Variants in BFAR observed in about 807,000 individuals in gnomAD.
BFAR encodes the protein RING finger protein 47.
In BFAR, 52 loss-of-function variants were observed where a neutral mutation model predicts 54.4. That is an observed-to-expected ratio of 0.96 (90% CI 0.77 to 1.21). The LOEUF is 1.21. BFAR is among the 50% of genes most tolerant of loss of function. BFAR has a pLI of 0.00. For missense variants in BFAR, 571 were observed against 534.0 expected, an observed-to-expected ratio of 1.07 and a Z score of -0.68; for synonymous variants, 215 against 204.3, an observed-to-expected ratio of 1.05 and a Z score of -0.45.
chr16:14,640,422 T>C (rs1433717066), intron 1 of BFAR, among the ~76,000 whole-genome samples: 1 of 152,114 alleles, frequency 6.6e-6, no homozygotes. Flanking sequence ...TTGTCATGCG[T>C]GATGCGATTC....
intron 1 of BFAR, among the ~76,000 whole-genome samples, chr16:14,641,697 G>A (rs973789427): frequency 3.3e-5 from 5 of 151,902 alleles, no homozygotes; most frequent in African/African-American, 7.3e-5. Flanking sequence ...CCCCCATCTC[G>A]ACTAAAAATA....
chr16:14,665,288 T>C (rs1304350097), intron 7 of BFAR: 1 of 573,790 alleles, frequency 1.7e-6, no homozygotes, highest in Non-Finnish European at 3.1e-6. Context: ...TATTTTCCTA[T>C]ATGTCTTATC....
intron 5 of BFAR, among the ~76,000 whole-genome samples, chr16:14,659,098 G>T (rs1336421072): frequency 1.3e-5 from 2 of 151,512 alleles, no homozygotes; most frequent in Non-Finnish European, 2.9e-5. Context: ...TAGTAGGGAC[G>T]GGGTTTCACC....
At chr16:14,664,467 G>A (rs1960382986) in intron 6 of BFAR, among the ~76,000 whole-genome samples, 1 of 151,214 alleles carries the variant, frequency 6.6e-6, no homozygotes, top group Non-Finnish European at 1.5e-5. Context: ...GGATGTGTGT[G>A]TGTGTGTGGT....
Position 14,644,517 on chromosome 16 carries a change from C to A in BFAR, c.171C>A (p.Cys57Ter). 3 of 1,614,106 alleles carry A rather than the reference C, an allele frequency of 1.9e-6. No homozygotes were observed. Among genetic ancestry groups the A allele is most frequent in the Non-Finnish European group, 2.5e-6 (3 of 1,179,994 alleles). The change falls in exon 2 of 8, where the codon TGC becomes TGA. Residue 57 changes from cysteine to a stop codon, truncating the protein, a stop_gained. Coordinates refer to ENST00000261658, the MANE Select transcript of BFAR (RefSeq NM_016561.3). LOFTEE classifies it high-confidence loss of function. ...LNCGHSFCRH[C>*]LALWWASSKK... ...GTGGGCACAGCTTCTGCCGTCACTG[C>A]CTTGCTTTATGGTGGGCATCTTCAA...
At chr16:14,640,162 AAAAG>A (rs1172740898) in intron 1 of BFAR, among the ~76,000 whole-genome samples, 1 of 152,012 alleles carries the variant, frequency 6.6e-6, no homozygotes, top group Non-Finnish European at 1.5e-5. Flanking sequence ...AAAAAAAAAA[AAAAG>A]AAGAAGAGAG....
At chr16:14,655,740 T>C (rs1412862507) in intron 5 of BFAR, among the ~76,000 whole-genome samples, 2 of 152,124 alleles carry the variant, frequency 1.3e-5, no homozygotes, top group African/African-American at 2.4e-5. Flanking sequence ...GCGCCTGGCC[T>C]GTTTTACAAA....
chr16:14,635,483 G>C (rs1959403846), intron 1 of BFAR, among the ~76,000 whole-genome samples: 1 of 152,140 alleles, frequency 6.6e-6, no homozygotes, highest in African/African-American at 2.4e-5. Flanking sequence ...CATCTACAGA[G>C]TATAGTACAG....
In BFAR at chr16:14,668,305, G is replaced by T. The variant is rs758313011; in HGVS notation, c.*478G>T. 1.3e-5 allele frequency: 2 copies of T among 159,020 alleles called. No individual in the cohort carries two copies. Among genetic ancestry groups the T allele is most frequent in the Non-Finnish European group, 2.8e-5 (2 of 72,518 alleles). 9.9% of individuals were successfully genotyped at this position (159,020 alleles called of 1,614,324 possible). On this transcript the variant is annotated 3_prime_UTR_variant, in exon 8 of 8. Coordinates refer to ENST00000261658, the MANE Select transcript of BFAR (RefSeq NM_016561.3). ...AGGATAAGATTCTGTCATAGGCATA[G>T]AGAGTTGCACATAAAAAATACCGAA... is the stretch of plus-strand genomic sequence containing the variant.
chr16:14,635,089 C>G (rs901694904), intron 1 of BFAR, among the ~76,000 whole-genome samples: 33 of 152,196 alleles, frequency 2.2e-4, no homozygotes, highest in Admixed American at 1.8e-3. Flanking sequence ...AATCCCTGCA[C>G]TTTGGGATGC....
intron 1 of BFAR, among the ~76,000 whole-genome samples, chr16:14,640,297 CAG>C (rs1295258227): frequency 7.2e-5 from 11 of 152,114 alleles, no homozygotes; most frequent in South Asian, 4.1e-4. Context: ...CATTATGGGA[CAG>C]GGGATGAAAG....
At chr16:14,661,392 C>CTTTTTTTTTTTTTTTT (rs774393097) in intron 5 of BFAR, among the ~76,000 whole-genome samples, 4 of 65,076 alleles carry the variant, frequency 6.1e-5, no homozygotes, top group Non-Finnish European at 1.2e-4. Context: ...GAGATTGGAT[C>CTTTTTTTTTTTTTTTT]TTTTTTTTTT....
At position 14,632,994 on chromosome 16, in the gene BFAR, C is replaced by G. The variant is rs1031090414; in HGVS notation, c.-98C>G. The G allele has an allele frequency of 6.5e-6, 1 of 152,848 alleles. No individual in the cohort carries two copies. Among genetic ancestry groups the G allele is most frequent in the Admixed American group, 6.5e-5 (1 of 15,324 alleles). 9.5% of individuals were successfully genotyped at this position (152,848 alleles called of 1,614,324 possible). A position where few individuals can be genotyped will look rare whatever the true frequency, so the allele number is the denominator to read the frequency against. ...GGGGTCTGTGCTGAGAATAATGGCCCGGTTGGCCCGGGACGAGTGGAATGG... is the reference window on the plus strand; with the variant it reads ...GGGGTCTGTGCTGAGAATAATGGCCGGGTTGGCCCGGGACGAGTGGAATGG... On this transcript the variant is annotated 5_prime_UTR_variant, in exon 1 of 8. Transcript: ENST00000261658.
intron 5 of BFAR, among the ~76,000 whole-genome samples, chr16:14,661,374 T>TAG (rs745627780): frequency 3.4e-5 from 5 of 145,404 alleles, no homozygotes; most frequent in South Asian, 2.3e-4. Context: ...TCCCCCCAGC[T>TAG]AGAGCTAGAG....
chr16:14,646,120 C>T (rs992017263), intron 2 of BFAR, among the ~76,000 whole-genome samples: 7 of 152,098 alleles, frequency 4.6e-5, no homozygotes, highest in African/African-American at 9.7e-5. Flanking sequence ...GGCGTGATCT[C>T]GACTTACCAC....
rs1275151473 is a variant in BFAR, at chr16:14,668,977, G to A, written c.*1150G>A. ...AATACAGCAGGTATAATTACACCAA[G>A]CGCTATAGTTATAAATATGGCATGA... On this transcript the variant is annotated 3_prime_UTR_variant, in exon 8 of 8. Coordinates refer to ENST00000261658, the MANE Select transcript of BFAR (RefSeq NM_016561.3). 7.5e-5 allele frequency: 33 copies of A among 437,634 alleles called. No homozygotes were observed. The Middle Eastern group carries it at 1.0e-3, about 13-fold the overall frequency. The allele number at this position is 437,634 out of a possible 1,614,324, so 27.1% of individuals were successfully genotyped here.
intron 4 of BFAR, 159 bp downstream of exon 4, chr16:14,650,132 A>C: frequency 1.6e-6 from 1 of 641,206 alleles, no homozygotes; most frequent in Non-Finnish European, 2.4e-6. Context: ...GACCAGCCTG[A>C]CCAATATGAT....
intron 5 of BFAR, among the ~76,000 whole-genome samples, chr16:14,660,804 G>A (rs1403687198): frequency 2.6e-5 from 4 of 151,772 alleles, no homozygotes; most frequent in Non-Finnish European, 5.9e-5. Flanking sequence ...GGGAGGCTGA[G>A]GCAGGAGAAT....
chr16:14,661,791 T>G, intron 5 of BFAR, 101 bp from the exon 6 acceptor site: 1 of 1,314,498 alleles, frequency 7.6e-7, no homozygotes, highest in Non-Finnish European at 1.1e-6. Flanking sequence ...GTGTGTACCA[T>G]GCAAAAAGGC....
Sources: allele counts gnomAD v4.1 joint callset (sites outside exome capture counted in the v4.1 genomes callset), GRCh38; gene constraint gnomAD v4.1.1; transcripts MANE v1.5; gene names NCBI Gene and HGNC (gene_info 2026-07-23, HGNC 2026-07-21).